The following CDK8 variants were observed in gnomAD, a reference collection of about 807,000 sequenced individuals.
CDK8 encodes the protein cyclin dependent kinase 8.
Under a neutral mutation model 71.5 loss-of-function variants are expected in CDK8, and 29 were observed. That is an observed-to-expected ratio of 0.41 (90% confidence interval 0.30 to 0.55). The LOEUF (loss-of-function observed/expected upper bound fraction) is 0.55, where lower values mean the gene tolerates loss of function less well. CDK8 is among the 20% of genes least tolerant of loss of function. CDK8 has a pLI of 0.37. For synonymous variants in CDK8, 161 were observed against 192.1 expected (o/e 0.84, Z 1.34); for missense variants, 288 against 572.6 (o/e 0.50, Z 5.07).
chr13:26,339,756 A>AATAT (rs1555231155), intron 2 of CDK8, among the ~76,000 whole-genome samples: 4,083 of 142,924 alleles, frequency 0.029, 208 homozygotes, highest in African/African-American at 0.097. Context: ...TTAAAAAAAA[A>AATAT]ATATATATAT....
At chr13:26,286,164 G>A (rs1696934495) in intron 1 of CDK8, among the ~76,000 whole-genome samples, 1 of 152,038 alleles carries the variant, frequency 6.6e-6, no homozygotes, top group African/African-American at 2.4e-5. Flanking sequence ...AAACAATCCT[G>A]AAGTTCATAT....
rs187133369 is a variant in CDK8 at position 26,309,781 on chromosome 13, T to C, written c.129-27786T>C. On this transcript the variant is annotated intron_variant, in intron 1 of 12. Transcript: ENST00000381527. Reference sequence around the variant, plus strand: ...AATTTACCATCTTACCATCTTTTTATTTTTTATTTTATTTATTGATTTTTG... The same window carrying C: ...AATTTACCATCTTACCATCTTTTTACTTTTTATTTTATTTATTGATTTTTG... 1.1e-4 allele frequency among the ~76,000 whole-genome samples: 17 copies of C among 152,266 alleles called. No homozygotes were observed. The East Asian group carries it at 2.9e-3, about 26-fold the overall frequency.
chr13:26,362,282 G>T (rs1291117405), intron 4 of CDK8, among the ~76,000 whole-genome samples: 2 of 152,020 alleles, frequency 1.3e-5, no homozygotes, highest in African/African-American at 2.4e-5. Context: ...ATAGATGAAT[G>T]ACAGAGCATT....
chr13:26,403,126 T>C lies in CDK8; in HGVS notation c.1270-830T>C, dbSNP rs148606090. ...CCCAAACCATCACATTCTTTCTCTT[T>C]GTGCCATTTTAGAATTGAGAATACC... On this transcript the variant is annotated intron_variant, in intron 12 of 12. Transcript: ENST00000381527. Among the ~76,000 whole-genome samples, 23 of 152,324 alleles carry C rather than the reference T, an allele frequency of 1.5e-4. 1 individual carries two copies. In the East Asian group the frequency reaches 4.2e-3, roughly 28 times the overall value.
At chr13:26,303,802 A>T (rs1873921388) in intron 1 of CDK8, among the ~76,000 whole-genome samples, 1 of 152,210 alleles carries the variant, frequency 6.6e-6, no homozygotes, top group Non-Finnish European at 1.5e-5. Flanking sequence ...TTTTATAGGT[A>T]TCAGGGCAAA....
intron 2 of CDK8, among the ~76,000 whole-genome samples, chr13:26,340,978 G>A (rs1397500436): frequency 6.6e-6 from 1 of 152,166 alleles, no homozygotes; most frequent in Non-Finnish European, 1.5e-5. Flanking sequence ...TTTCCTGTGA[G>A]CTGTAATTCC....
intron 1 of CDK8, among the ~76,000 whole-genome samples, chr13:26,335,929 C>T (rs1419179722): frequency 6.6e-6 from 1 of 151,164 alleles, no homozygotes; most frequent in African/African-American, 2.4e-5. Flanking sequence ...TTAACAACAA[C>T]AACAACAACA....
At chr13:26,266,905 ACT>A (rs1474916060) in intron 1 of CDK8, among the ~76,000 whole-genome samples, 2 of 152,166 alleles carry the variant, frequency 1.3e-5, no homozygotes, top group Non-Finnish European at 2.9e-5. Context: ...AAAAATAATG[ACT>A]CTTCATTGTG....
At chr13:26,362,560 G>C (rs1359859640) in intron 4 of CDK8, among the ~76,000 whole-genome samples, 2 of 152,152 alleles carry the variant, frequency 1.3e-5, no homozygotes, top group African/African-American at 2.4e-5. Flanking sequence ...CAGCTCCAGA[G>C]GAAAGAGAAG....
rs1873195248 is a variant in CDK8 at position 26,289,477 on chromosome 13, TG to T, written c.128+34709del. Among the ~76,000 whole-genome samples, 13 of 152,322 alleles carry T rather than the reference TG, an allele frequency of 8.5e-5. No individual in the cohort carries two copies. The South Asian group carries it at 2.5e-3, about 29-fold the overall frequency. ...TTGTTTGTTACTTTAATTTTCTATGTGTTTGTTGCTAGTATTTGAAGGATAC... is the reference window on the plus strand; with the variant it reads ...TTGTTTGTTACTTTAATTTTCTATGTTTTGTTGCTAGTATTTGAAGGATAC... On this transcript the variant is annotated intron_variant, in intron 1 of 12. Coordinates refer to ENST00000381527, the MANE Select transcript of CDK8 (RefSeq NM_001260.3).
At chr13:26,258,096 C>T (rs1051173058) in intron 1 of CDK8, among the ~76,000 whole-genome samples, 2 of 152,052 alleles carry the variant, frequency 1.3e-5, no homozygotes, top group South Asian at 2.1e-4. Flanking sequence ...AGAAGTATAT[C>T]AAGTCAATTC....
At chr13:26,371,985 TTACAGCCATGTAATTTA>T in intron 4 of CDK8, among the ~76,000 whole-genome samples, 1 of 152,258 alleles carries the variant, frequency 6.6e-6, no homozygotes, top group Admixed American at 6.5e-5. Flanking sequence ...AAATTATAGA[TTACAGCCATGTAATTTA>T]ATAGGTTACG....
chr13:26,264,908 T>G (rs958244220), intron 1 of CDK8, among the ~76,000 whole-genome samples: 2 of 152,216 alleles, frequency 1.3e-5, no homozygotes, highest in Non-Finnish European at 2.9e-5. Flanking sequence ...TGATATGATT[T>G]CCTTCTTTTT....
intron 1 of CDK8, among the ~76,000 whole-genome samples, chr13:26,300,146 C>T (rs989969689): frequency 1.3e-5 from 2 of 152,124 alleles, no homozygotes; most frequent in South Asian, 4.1e-4. Flanking sequence ...AAGAGGCATA[C>T]CTCCTTAGGA....
chr13:26,361,192 C>T lies in CDK8; in HGVS notation c.456+7312C>T, dbSNP rs530525588. On this transcript the variant is annotated intron_variant, in intron 4 of 12. Transcript: ENST00000381527. Reference sequence around the variant, plus strand: ...TTTATTCAAAAACATCTTAAGGTTCCTTCTGAGTAAATTCTTTAATTGCAA... The same window carrying T: ...TTTATTCAAAAACATCTTAAGGTTCTTTCTGAGTAAATTCTTTAATTGCAA... 3.9e-5 allele frequency among the ~76,000 whole-genome samples: 6 copies of T among 152,154 alleles called. No homozygotes were observed. In the South Asian group the frequency reaches 1.2e-3, roughly 32 times the overall value.
At chr13:26,344,713 C>T (rs1391002814) in intron 2 of CDK8, among the ~76,000 whole-genome samples, 2 of 151,532 alleles carry the variant, frequency 1.3e-5, no homozygotes, top group African/African-American at 4.9e-5. Context: ...GATCATGCCA[C>T]TTCACTTCAG....
At chr13:26,268,236 G>C (rs1872120866) in intron 1 of CDK8, among the ~76,000 whole-genome samples, 1 of 141,974 alleles carries the variant, frequency 7.0e-6, no homozygotes, top group Non-Finnish European at 1.5e-5. Context: ...TTTTTTGAAA[G>C]TTTTGCTCCC....
At chr13:26,301,441 C>T (rs1424727157) in intron 1 of CDK8, among the ~76,000 whole-genome samples, 1 of 151,936 alleles carries the variant, frequency 6.6e-6, no homozygotes, top group African/African-American at 2.4e-5. Flanking sequence ...GTTAAATTAC[C>T]TGGTATGGTA....
chr13:26,351,569 C>T (rs1873681564), intron 3 of CDK8, among the ~76,000 whole-genome samples: 2 of 152,086 alleles, frequency 1.3e-5, no homozygotes, highest in South Asian at 4.2e-4. Flanking sequence ...TATAATATTT[C>T]ACTCAATGTG....
Sources: gnomAD v4.1 joint callset for allele counts (sites outside exome capture counted in the v4.1 genomes callset) on GRCh38, gnomAD v4.1.1 for gene constraint, MANE v1.5 for transcripts, NCBI Gene and HGNC (gene_info 2026-07-23, HGNC 2026-07-21) for gene names.